The following INSC variants were observed in gnomAD, a reference collection of about 807,000 sequenced individuals.
INSC encodes the protein INSC spindle orientation adaptor protein.
A neutral mutation model predicts 58.6 loss-of-function variants in INSC; 67 were observed. The ratio of observed to expected loss-of-function variants is 1.14; its 90% CI spans 0.94 to 1.40. The LOEUF is 1.40. Ranked by LOEUF, INSC falls within the 40% of genes most tolerant of loss-of-function variation. The pLI, the probability that INSC is intolerant of heterozygous loss-of-function variation, is 0.00. For synonymous variants in INSC, 262 were observed against 276.1 expected, an observed-to-expected ratio of 0.95 and a Z score of 0.51; for missense variants, 714 against 692.0, an observed-to-expected ratio of 1.03 and a Z score of -0.36.
At chr11:15,113,043 C>T (rs75154447), upstream of INSC, among the ~76,000 whole-genome samples, 12,076 of 151,820 alleles carry the variant, frequency 0.08, 639 homozygotes, top group Non-Finnish European at 0.12. Flanking sequence ...AGACTTCTTT[C>T]CTTCCCTTCC....
intron 7 of INSC, among the ~76,000 whole-genome samples, chr11:15,208,750 G>C (rs1433160208): frequency 6.6e-6 from 1 of 152,194 alleles, no homozygotes; most frequent in Non-Finnish European, 1.5e-5. Context: ...CAGTGGGTTT[G>C]CAGGAGCAGG....
At chr11:15,207,264 G>A (rs984100452) in intron 7 of INSC, among the ~76,000 whole-genome samples, 6 of 152,130 alleles carry the variant, frequency 3.9e-5, no homozygotes, top group Admixed American at 1.3e-4. Flanking sequence ...GACCAGAGAC[G>A]GCCTCACTTT....
Position 15,117,896 on chromosome 11 carries a change from G to A in INSC, c.-46+2893G>A, listed in dbSNP as rs561149330. 2.6e-4 allele frequency among the ~76,000 whole-genome samples: 39 copies of A among 152,296 alleles called. 1 individual carries two copies. In the South Asian group the frequency reaches 7.7e-3, roughly 30 times the overall value. On this transcript the variant is annotated intron_variant, in intron 1 of 12. Transcript: ENST00000379556. ...TGGCTCAGACAAGGGGGATAGTTGA[G>A]AATGAATTGGGCCATTGATAAACAC...
chr11:15,191,252 T>C (rs1434275811), intron 6 of INSC, among the ~76,000 whole-genome samples: 1 of 152,208 alleles, frequency 6.6e-6, no homozygotes, highest in East Asian at 1.9e-4. Flanking sequence ...GTGCTGGGAT[T>C]ACAGGCGTGA....
At chr11:15,192,463 A>G (rs554778396) in intron 6 of INSC, among the ~76,000 whole-genome samples, 2 of 152,348 alleles carry the variant, frequency 1.3e-5, no homozygotes, top group Admixed American at 1.3e-4. Flanking sequence ...CTGTCTCAGC[A>G]CTTACCATAT....
In INSC at chr11:15,225,780, A is replaced by G. The variant is rs1467381006; in HGVS notation, c.1122A>G (p.Glu374=). The change falls in exon 9 of 13, where the codon GAA becomes GAG. Residue 374 remains glutamate (E), a synonymous_variant. Transcript: ENST00000379556. ...TGAATGCCATCCGTGTTCTCCTGGA[A>G]GCCTGCAGTGACAAGCAGAGAGTGG... ...LQLNAIRVLL[E]ACSDKQRVDT... is the part of the protein sequence containing the mutation. The G allele has an allele frequency of 8.1e-6, 13 of 1,613,826 alleles. No homozygotes were observed. The highest frequency in any genetic ancestry group is 1.1e-5 in the Non-Finnish European group (13 of 1,179,946).
chr11:15,210,182 G>A (rs1589973208), intron 7 of INSC, among the ~76,000 whole-genome samples: 1 of 152,276 alleles, frequency 6.6e-6, no homozygotes, highest in Non-Finnish European at 1.5e-5. Context: ...GAGATCCTGG[G>A]ACAAGTTCTT....
chr11:15,165,352 A>G (rs1424470035), intron 2 of INSC, among the ~76,000 whole-genome samples: 1 of 152,234 alleles, frequency 6.6e-6, no homozygotes, highest in Non-Finnish European at 1.5e-5. Context: ...ATTACCCATC[A>G]GGCAGTATAT....
At chr11:15,159,985 A>G (rs1848958496) in intron 2 of INSC, among the ~76,000 whole-genome samples, 2 of 152,362 alleles carry the variant, frequency 1.3e-5, no homozygotes, top group Admixed American at 6.5e-5. Context: ...AGTTCCATAC[A>G]TATACACCAG....
chr11:15,230,018 A>T lies in INSC; in HGVS notation c.1170+4190A>T, dbSNP rs1032265980. 2.4e-4 allele frequency among the ~76,000 whole-genome samples: 10 copies of T among 42,270 alleles called. 2 individuals are homozygous for T. The highest frequency in any genetic ancestry group is 1.5e-3 in the African/African-American group (9 of 6,094). 27.7% of individuals were successfully genotyped at this position (42,270 alleles called of 152,430 possible). ...ATATATATATATATATATATAATATATATATATATATATATATATATAAAA... is the reference window on the plus strand; with the variant it reads ...ATATATATATATATATATATAATATTTATATATATATATATATATATAAAA... On this transcript the variant is annotated intron_variant, in intron 9 of 12. Transcript: ENST00000379556.
In INSC at chr11:15,215,356, C is replaced by G. The variant is rs77310488; in HGVS notation, c.820-6121C>G. Among the ~76,000 whole-genome samples, 380 of 152,326 alleles carry G rather than the reference C, an allele frequency of 2.5e-3. 2 individuals carry two copies. The highest frequency in any genetic ancestry group is 8.8e-3 in the African/African-American group (367 of 41,568). On this transcript the variant is annotated intron_variant, in intron 7 of 12. Transcript: ENST00000379556. ...GAAGTGGGTGATTTGGGGATGCAGA[C>G]TTTCCTAAAATGGGACTTGTGTTTG...
intron 9 of INSC, among the ~76,000 whole-genome samples, chr11:15,228,856 G>A (rs1792566): frequency 0.54 from 81,369 of 152,026 alleles, 23,199 homozygotes; most frequent in East Asian, 0.89. Context: ...GGGTATGGAC[G>A]TTGGTGAGGG....
Position 15,178,286 on chromosome 11 carries a change from C to G in INSC, c.456-38C>G, listed in dbSNP as rs755854074. ...CAACATTTCTGGGCTGACCACATGCCCTTTCCAGTGGCCCACCCCATGGTT... is the reference window on the plus strand; with the variant it reads ...CAACATTTCTGGGCTGACCACATGCGCTTTCCAGTGGCCCACCCCATGGTT... On this transcript the variant is annotated intron_variant, in intron 4 of 12. Coordinates refer to ENST00000379556, the MANE Select transcript of INSC (RefSeq NM_001042536.3). 3.7e-6 allele frequency: 6 copies of G among 1,611,974 alleles called. No homozygotes were observed. In the Admixed American group the frequency reaches 5.0e-5, roughly 13 times the overall value.
Position 15,230,423 on chromosome 11 carries a change from A to G in INSC, c.1170+4595A>G, listed in dbSNP as rs1469980945. Among the ~76,000 whole-genome samples, 9 of 152,030 alleles carry G rather than the reference A, an allele frequency of 5.9e-5. No homozygotes were observed. In the East Asian group the frequency reaches 1.7e-3, roughly 29 times the overall value. ...AAGGGGGAGGTGCTTCACCCTTTTC[A>G]ACAAGAACTCACTCACTATCATAAG... On this transcript the variant is annotated intron_variant, in intron 9 of 12. Coordinates refer to ENST00000379556, the MANE Select transcript of INSC (RefSeq NM_001042536.3).
chr11:15,175,677 G>A, intron 2 of INSC, 64 bp from the exon 3 acceptor site: 1 of 1,319,380 alleles, frequency 7.6e-7, no homozygotes, highest in Non-Finnish European at 1.0e-6. Context: ...AGATGGCCTA[G>A]AATTGAGACC....
At chr11:15,179,391 C>T (rs1849683247) in intron 5 of INSC, among the ~76,000 whole-genome samples, 1 of 152,156 alleles carries the variant, frequency 6.6e-6, no homozygotes, top group African/African-American at 2.4e-5. Context: ...CTTTTCCCAC[C>T]ACCAAATAAA....
At chr11:15,115,833 G>A (rs529661879) in intron 1 of INSC, among the ~76,000 whole-genome samples, 1 of 152,188 alleles carries the variant, frequency 6.6e-6, no homozygotes, top group Admixed American at 6.5e-5. Context: ...TGTGGACAAC[G>A]ACATGTATGC....
intron 6 of INSC, among the ~76,000 whole-genome samples, 197 bp from the exon 7 acceptor site, chr11:15,200,627 A>C (rs757945387): frequency 6.6e-6 from 1 of 151,944 alleles, no homozygotes; most frequent in African/African-American, 2.4e-5. Context: ...GAAGGGTGAC[A>C]TTATTTCTGG....
rs1260505072 is a variant in INSC, at chr11:15,245,766, T to C, written c.1471-146T>C. ...CAGGTGACCAAGATGGTGACTGAGATGCCAAGTGGCTAACATGATGATCAA... is the reference window on the plus strand; with the variant it reads ...CAGGTGACCAAGATGGTGACTGAGACGCCAAGTGGCTAACATGATGATCAA... On this transcript the variant is annotated intron_variant, in intron 12 of 12. Coordinates refer to ENST00000379556, the MANE Select transcript of INSC (RefSeq NM_001042536.3). The C allele has an allele frequency of 3.0e-6, 3 of 995,446 alleles. No individual in the cohort carries two copies. The Admixed American group carries it at 7.1e-5, about 24-fold the overall frequency. The allele number at this position is 995,446 out of a possible 1,614,324, so 61.7% of individuals were successfully genotyped here. A position where few individuals can be genotyped will look rare whatever the true frequency, so the allele number is the denominator to read the frequency against.
Sources: gnomAD v4.1 joint callset for allele counts (sites outside exome capture counted in the v4.1 genomes callset) on GRCh38, gnomAD v4.1.1 for gene constraint, MANE v1.5 for transcripts, NCBI Gene and HGNC (gene_info 2026-07-23, HGNC 2026-07-21) for gene names.